SLC35F4: variants seen among roughly 807,000 people sequenced by gnomAD.
SLC35F4 encodes chromosome 14 open reading frame 36.
SLC35F4 carries 24 observed loss-of-function variants against 44.2 expected under a neutral mutation model. The ratio of observed to expected loss-of-function variants is 0.54; its 90% CI spans 0.39 to 0.76. The LOEUF (loss-of-function observed/expected upper bound fraction) is 0.76. SLC35F4 is among the 30% of genes least tolerant of loss of function. The probability of loss-of-function intolerance (pLI) is 0.00; values close to 1 mark genes in which losing one functional copy is unlikely to be tolerated. For synonymous variants in SLC35F4, 238 were observed against 223.6 expected (o/e 1.06, Z -0.57); for missense variants, 562 against 586.1 (o/e 0.96, Z 0.42).
chr14:57,913,768 A>C (rs1030716561), intron 1 of SLC35F4, among the ~76,000 whole-genome samples: 9 of 152,148 alleles, frequency 5.9e-5, no homozygotes, highest in African/African-American at 1.7e-4. Flanking sequence ...TTCATTCTCC[A>C]ATGTTTTTCC....
At chr14:57,977,219 T>C (rs1731086561) in intron 1 of SLC35F4, among the ~76,000 whole-genome samples, 3 of 152,162 alleles carry the variant, frequency 2.0e-5, no homozygotes, top group Non-Finnish European at 4.4e-5. Flanking sequence ...TTTATATAAC[T>C]AGATTTAATT....
At chr14:57,732,861 A>T (rs1273348934) in intron 1 of SLC35F4, among the ~76,000 whole-genome samples, 1 of 152,204 alleles carries the variant, frequency 6.6e-6, no homozygotes, top group Non-Finnish European at 1.5e-5. Context: ...ATTTTCAAAG[A>T]CTGCATGCAA....
intron 1 of SLC35F4, among the ~76,000 whole-genome samples, chr14:57,670,904 T>TTC (rs1400743056): frequency 7.3e-6 from 1 of 136,298 alleles, no homozygotes; most frequent in Non-Finnish European, 1.5e-5. Flanking sequence ...CATTCATTCT[T>TTC]TTTTTTTTTT....
chr14:57,724,701 T>C (rs1001296144), intron 1 of SLC35F4, among the ~76,000 whole-genome samples: 4 of 152,090 alleles, frequency 2.6e-5, no homozygotes, highest in Non-Finnish European at 4.4e-5. Context: ...CTATGGTCAG[T>C]TGACAGAGGA....
intron 1 of SLC35F4, among the ~76,000 whole-genome samples, chr14:57,977,673 C>G (rs968383471): frequency 6.6e-6 from 1 of 152,160 alleles, no homozygotes; most frequent in Non-Finnish European, 1.5e-5. Flanking sequence ...TCTCATGGCA[C>G]TTAACCTTTG....
chr14:57,711,212 C>G (rs1435997820), intron 1 of SLC35F4, among the ~76,000 whole-genome samples: 1 of 152,102 alleles, frequency 6.6e-6, no homozygotes, highest in Non-Finnish European at 1.5e-5. Flanking sequence ...GGCATTTCCT[C>G]TGCTTGCACT....
chr14:57,793,014 A>G (rs1046150621), intron 1 of SLC35F4, among the ~76,000 whole-genome samples: 2 of 152,088 alleles, frequency 1.3e-5, no homozygotes, highest in African/African-American at 4.8e-5. Context: ...CACTCAGCAA[A>G]ATTAAGGGGT....
rs559922025 is a variant in SLC35F4, at chr14:57,820,410, T to C, written c.103+45313A>G. Among the ~76,000 whole-genome samples, 5 of 152,278 alleles carry C rather than the reference T, an allele frequency of 3.3e-5. No homozygotes were observed. The East Asian group carries it at 9.7e-4, about 29-fold the overall frequency. On this transcript the variant is annotated intron_variant, in intron 1 of 7. Transcript: ENST00000556826. ...TGGGTAAGAGAAAAATGGTATACTT[T>C]ATCCAAGAGTTAGAATTCTCCAGAG...
intron 1 of SLC35F4, among the ~76,000 whole-genome samples, chr14:57,944,695 A>AAAAGAAAGAAAGAAAGAAAG (rs141697627): frequency 2.0e-4 from 23 of 116,064 alleles, no homozygotes; most frequent in East Asian, 7.3e-4. Context: ...AGAAAGAAAG[A>AAAAGAAAGAAAGAAAGAAAG]AAAGAAAGAA....
At chr14:57,725,030 C>A (rs1347573808) in intron 1 of SLC35F4, among the ~76,000 whole-genome samples, 2 of 152,258 alleles carry the variant, frequency 1.3e-5, no homozygotes, top group South Asian at 2.1e-4. Context: ...AGTGGATGGA[C>A]CTCTTTGTGG....
chr14:57,854,603 G>C (rs1595221658), intron 1 of SLC35F4, among the ~76,000 whole-genome samples: 1 of 152,104 alleles, frequency 6.6e-6, no homozygotes, highest in Non-Finnish European at 1.5e-5. Context: ...TCCATCTTCA[G>C]CTGAGATTCC....
intron 1 of SLC35F4, among the ~76,000 whole-genome samples, chr14:57,819,690 G>C (rs1042951199): frequency 6.6e-6 from 1 of 151,546 alleles, no homozygotes; most frequent in Non-Finnish European, 1.5e-5. Context: ...GTGTGCGTCT[G>C]TATTCCCAGC....
intron 4 of SLC35F4, among the ~76,000 whole-genome samples, chr14:57,575,008 C>G (rs2068708623): frequency 6.6e-6 from 1 of 152,156 alleles, no homozygotes. Flanking sequence ...CATATGTGTT[C>G]ATTCACATGA....
At chr14:57,601,841 TCA>T (rs1232807811) in intron 1 of SLC35F4, among the ~76,000 whole-genome samples, 1 of 152,188 alleles carries the variant, frequency 6.6e-6, no homozygotes, top group Non-Finnish European at 1.5e-5. Flanking sequence ...TCTCCAGACC[TCA>T]CAACAATACT....
At chr14:57,671,599 A>G (rs938401669) in intron 1 of SLC35F4, among the ~76,000 whole-genome samples, 1 of 152,022 alleles carries the variant, frequency 6.6e-6, no homozygotes, top group Admixed American at 6.6e-5. Flanking sequence ...CACTATATCA[A>G]GGGCCTTGGG....
intron 1 of SLC35F4, among the ~76,000 whole-genome samples, chr14:57,908,406 C>T (rs1197544736): frequency 1.3e-5 from 2 of 152,232 alleles, no homozygotes; most frequent in African/African-American, 2.4e-5. Context: ...TACATTCCCA[C>T]CAACAGTGTA....
chr14:57,716,439 G>A (rs2075946363), intron 1 of SLC35F4, among the ~76,000 whole-genome samples: 1 of 152,070 alleles, frequency 6.6e-6, no homozygotes, highest in African/African-American at 2.4e-5. Context: ...ACTCCCACAT[G>A]CTTAGCGTTC....
chr14:57,977,664 C>T (rs1881258450), intron 1 of SLC35F4, among the ~76,000 whole-genome samples: 1 of 152,204 alleles, frequency 6.6e-6, no homozygotes, highest in African/African-American at 2.4e-5. Flanking sequence ...GATCCCAAGT[C>T]TCATGGCACT....
intron 1 of SLC35F4, among the ~76,000 whole-genome samples, chr14:57,910,281 A>T (rs559878729): frequency 6.6e-6 from 1 of 152,186 alleles, no homozygotes; most frequent in South Asian, 2.1e-4. Context: ...TGTATTTTGC[A>T]GAGAAGAAGT....
Sources: allele counts gnomAD v4.1 joint callset (sites outside exome capture counted in the v4.1 genomes callset), GRCh38; gene constraint gnomAD v4.1.1; transcripts MANE v1.5; gene names NCBI Gene and HGNC (gene_info 2026-07-23, HGNC 2026-07-21).